TTC29: variants seen among roughly 807,000 people sequenced by gnomAD.
The protein encoded by TTC29 is tetratricopeptide repeat protein 29.
Under a neutral mutation model 58.1 loss-of-function variants are expected in TTC29, and 49 were observed. That is an observed-to-expected ratio of 0.84 (90% CI 0.67 to 1.07). TTC29 has a LOEUF of 1.07. Ranked by LOEUF, TTC29 falls within the 50% of genes least tolerant of loss-of-function variation. The probability of loss-of-function intolerance (pLI) is 0.00; values close to 1 mark genes in which losing one functional copy is unlikely to be tolerated. For synonymous variants in TTC29, 209 were observed against 196.8 expected, an observed-to-expected ratio of 1.06 and a Z score of -0.52; for missense variants, 582 against 555.6, an observed-to-expected ratio of 1.05 and a Z score of -0.48.
intron 11 of TTC29, among the ~76,000 whole-genome samples, chr4:146,742,889 TATA>T (rs1745268386): frequency 6.6e-6 from 1 of 151,896 alleles, no homozygotes; most frequent in South Asian, 2.1e-4. Flanking sequence ...TTTAAAATAA[TATA>T]ATCTGCTTTT....
intron 10 of TTC29, among the ~76,000 whole-genome samples, chr4:146,808,276 C>A (rs1750758868): frequency 6.6e-6 from 1 of 152,138 alleles, no homozygotes; most frequent in Admixed American, 6.5e-5. Context: ...AACCCACAGC[C>A]AATATCATAC....
intron 9 of TTC29, among the ~76,000 whole-genome samples, chr4:146,829,074 G>T (rs1727994317): frequency 6.6e-6 from 1 of 152,168 alleles, no homozygotes; most frequent in Non-Finnish European, 1.5e-5. Flanking sequence ...GTGCACAGGT[G>T]CAACTTGAAC....
At chr4:146,913,966 G>A (rs1259806189) in intron 4 of TTC29, among the ~76,000 whole-genome samples, 1 of 152,040 alleles carries the variant, frequency 6.6e-6, no homozygotes, top group East Asian at 1.9e-4. Flanking sequence ...ATTTAAATAT[G>A]CATATAGAAC....
intron 8 of TTC29, among the ~76,000 whole-genome samples, chr4:146,845,774 C>T (rs987779086): frequency 2.0e-5 from 3 of 152,004 alleles, no homozygotes; most frequent in Non-Finnish European, 2.9e-5. Flanking sequence ...CTGCATTGTT[C>T]TTTCTCATTT....
intron 11 of TTC29, among the ~76,000 whole-genome samples, chr4:146,761,869 A>T (rs777280025): frequency 4.6e-5 from 7 of 151,802 alleles, no homozygotes; most frequent in Admixed American, 6.6e-5. Context: ...GAATTTGAGA[A>T]ACGTTGTAAG....
intron 11 of TTC29, among the ~76,000 whole-genome samples, chr4:146,716,637 G>C (rs1579510397): frequency 6.6e-6 from 1 of 151,958 alleles, no homozygotes; most frequent in Non-Finnish European, 1.5e-5. Flanking sequence ...TGTATGTTGA[G>C]ATTTCCAAAG....
chr4:146,909,232 T>A lies in TTC29; in HGVS notation c.194A>T (p.Lys65Met). ...EEVAAYRNSY[K>M]KNICVDMLRD... ...CAGCATGTCCACACAGATATTCTTC[T>A]TGTAGGAGTTCCTATAACTGGAAAT... Residue 65 changes from lysine (K) to methionine (M), a missense_variant, in exon 5 of 13, where the codon AAG becomes ATG. By Grantham distance (95) the Lys-to-Met change is moderately conservative. Coordinates refer to ENST00000325106, the MANE Select transcript of TTC29 (RefSeq NM_031956.4). 1 of 1,612,168 alleles carries A rather than the reference T, an allele frequency of 6.2e-7. No homozygotes were observed. Among genetic ancestry groups the A allele is most frequent in the Non-Finnish European group, 8.5e-7 (1 of 1,178,998 alleles).
intron 11 of TTC29, among the ~76,000 whole-genome samples, chr4:146,740,133 T>TA (rs1745014926): frequency 6.6e-6 from 1 of 152,174 alleles, no homozygotes; most frequent in Admixed American, 6.6e-5. Context: ...TCTAGCCTAT[T>TA]AAATAAATAA....
At chr4:146,875,821 C>T (rs1317339875) in intron 6 of TTC29, among the ~76,000 whole-genome samples, 1 of 152,142 alleles carries the variant, frequency 6.6e-6, no homozygotes, top group Non-Finnish European at 1.5e-5. Flanking sequence ...AGCTAAAATT[C>T]CAAATTAGCT....
intron 11 of TTC29, among the ~76,000 whole-genome samples, chr4:146,759,950 A>T (rs1209386902): frequency 6.6e-6 from 1 of 152,142 alleles, no homozygotes; most frequent in Admixed American, 6.5e-5. Context: ...ATCAGACAAG[A>T]GAAGGAAATA....
intron 8 of TTC29, among the ~76,000 whole-genome samples, chr4:146,860,790 T>A (rs1329640384): frequency 1.3e-5 from 2 of 152,192 alleles, no homozygotes; most frequent in East Asian, 3.8e-4. Context: ...CTATTTTGTA[T>A]TACTTATTTG....
At chr4:146,788,294 G>A (rs1381367165) in intron 11 of TTC29, among the ~76,000 whole-genome samples, 1 of 152,160 alleles carries the variant, frequency 6.6e-6, no homozygotes, top group Non-Finnish European at 1.5e-5. Flanking sequence ...ATTTTGCTTT[G>A]GCTAAGGGAT....
chr4:146,834,102 C>T (rs41280535), intron 8 of TTC29, among the ~76,000 whole-genome samples: 174 of 152,226 alleles, frequency 1.1e-3, no homozygotes, highest in Non-Finnish European at 7.4e-4. Flanking sequence ...ATGACAGTGA[C>T]GCCTTACTTT....
At chr4:146,920,917 G>GT (rs1324444616) in intron 4 of TTC29, among the ~76,000 whole-genome samples, 1 of 151,080 alleles carries the variant, frequency 6.6e-6, no homozygotes, top group Non-Finnish European at 1.5e-5. Context: ...TCTTCTTTGG[G>GT]TTTTTAAGTT....
chr4:146,855,206 G>A (rs890659189), intron 8 of TTC29, among the ~76,000 whole-genome samples: 1 of 152,134 alleles, frequency 6.6e-6, no homozygotes, highest in Non-Finnish European at 1.5e-5. Flanking sequence ...ACTGAGGCAG[G>A]TGAATCACTT....
chr4:146,923,319 A>T (rs562243814), intron 4 of TTC29, among the ~76,000 whole-genome samples: 1 of 151,902 alleles, frequency 6.6e-6, no homozygotes, highest in South Asian at 2.1e-4. Flanking sequence ...TAGATACAAA[A>T]ATCACACACG....
At chr4:146,919,343 A>G (rs1377704506) in intron 4 of TTC29, among the ~76,000 whole-genome samples, 1 of 151,142 alleles carries the variant, frequency 6.6e-6, no homozygotes, top group Non-Finnish European at 1.5e-5. Context: ...AAATAATCTT[A>G]GCTTTTAAAT....
At chr4:146,757,719 G>A (rs1363318308) in intron 11 of TTC29, among the ~76,000 whole-genome samples, 1 of 152,062 alleles carries the variant, frequency 6.6e-6, no homozygotes, top group Non-Finnish European at 1.5e-5. Flanking sequence ...GCGAAACTAA[G>A]CATCATATAT....
chr4:146,728,824 T>C (rs1231146694), intron 11 of TTC29, among the ~76,000 whole-genome samples: 3 of 114,876 alleles, frequency 2.6e-5, no homozygotes, highest in African/African-American at 9.4e-5. Context: ...TGTGTATATA[T>C]ACATATATAT....
Sources: allele counts gnomAD v4.1 joint callset (sites outside exome capture counted in the v4.1 genomes callset), GRCh38; gene constraint gnomAD v4.1.1; transcripts MANE v1.5; gene names NCBI Gene and HGNC (gene_info 2026-07-23, HGNC 2026-07-21).